The following EBI3 variants were observed in gnomAD, a reference collection of about 807,000 sequenced individuals.
EBI3 encodes the protein interleukin-27 subunit beta.
A neutral mutation model predicts 21.3 loss-of-function variants in EBI3; 19 were observed. The ratio of observed to expected loss-of-function variants is 0.89; its 90% CI spans 0.62 to 1.31. The LOEUF (loss-of-function observed/expected upper bound fraction) is 1.31. EBI3 is among the 50% of genes most tolerant of loss of function. The probability of loss-of-function intolerance (pLI) is 0.00; values close to 1 mark genes in which losing one functional copy is unlikely to be tolerated. For synonymous variants in EBI3, 154 were observed against 131.2 expected, an observed-to-expected ratio of 1.17 and a Z score of -1.19; for missense variants, 331 against 314.0, an observed-to-expected ratio of 1.05 and a Z score of -0.41.
intron 1 of EBI3, among the ~76,000 whole-genome samples, 193 bp downstream of exon 1, chr19:4,229,810 T>C (rs2144673445): frequency 6.6e-6 from 1 of 152,300 alleles, no homozygotes; most frequent in South Asian, 2.1e-4. Context: ...TGGAAGGATG[T>C]CACCTTGTGG....
rs1374907589 is a variant in EBI3, at chr19:4,234,772, C to T, written c.485C>T (p.Ser162Leu). ...PGSWPFPEIF[S>L]LKYWIRYKRQ... The stretch of plus-strand genomic sequence containing the variant: ...TCCTGGCCCTTCCCAGAGATCTTCT[C>T]ACTGAAGTACTGGATCCGTTACAAG... Residue 162 changes from serine (S) to leucine (L), a missense_variant, in exon 4 of 5, where the codon TCA (serine) becomes TTA (leucine). Coordinates refer to ENST00000221847, the MANE Select transcript of EBI3 (RefSeq NM_005755.3). The T allele has an allele frequency of 2.5e-6, 4 of 1,614,146 alleles. No homozygotes were observed. The highest frequency in any genetic ancestry group is 3.4e-6 in the Non-Finnish European group (4 of 1,180,030).
At chr19:4,234,147 C>T (rs145458729) in intron 3 of EBI3, among the ~76,000 whole-genome samples, 5 of 151,994 alleles carry the variant, frequency 3.3e-5, no homozygotes, top group African/African-American at 7.3e-5. Flanking sequence ...TGGAGGTTGC[C>T]GTGAGCTGAG....
intron 1 of EBI3, among the ~76,000 whole-genome samples, chr19:4,230,331 A>G (rs546347885): frequency 2.6e-5 from 4 of 152,234 alleles, no homozygotes; most frequent in Admixed American, 1.3e-4. Flanking sequence ...TTGGGAGGCC[A>G]GGGCGTGAGG....
At chr19:4,236,518 C>CAAAAAAAA (rs4009634) in intron 4 of EBI3, among the ~76,000 whole-genome samples, 1,256 of 30,492 alleles carry the variant, frequency 0.041, 390 homozygotes, top group South Asian at 0.21. Flanking sequence ...AAGACTGTCT[C>CAAAAAAAA]AAAAAAAAAA....
chr19:4,234,207 A>AAAAAC (rs1172943826), intron 3 of EBI3, among the ~76,000 whole-genome samples: 11 of 152,268 alleles, frequency 7.2e-5, no homozygotes, highest in South Asian at 4.1e-4. Context: ...CTCTATCTCA[A>AAAAAC]AAAACAAAAC....
chr19:4,233,325 TGGGGGC>T lies in EBI3; in HGVS notation c.379+29_379+34del. On this transcript the variant is annotated intron_variant, in intron 3 of 4. Transcript: ENST00000221847. Reference sequence around the variant, plus strand: ...GCACATCAGTGAGTGGGGGCGGCAGTGGGGGCGGGGGCGGGGCTGCCGTCTCCTTCC... The same window carrying T: ...GCACATCAGTGAGTGGGGGCGGCAGTGGGGGCGGGGCTGCCGTCTCCTTCC... 20 of 466,782 alleles carry T rather than the reference TGGGGGC, an allele frequency of 4.3e-5. No homozygotes were observed. Among genetic ancestry groups the T allele is most frequent in the Non-Finnish European group, 7.9e-5 (19 of 240,016 alleles). 28.9% of individuals were successfully genotyped at this position (466,782 alleles called of 1,614,324 possible). A position where few individuals can be genotyped will look rare whatever the true frequency, so the allele number is the denominator to read the frequency against.
chr19:4,232,241 AAAAAGAAAAGAAAAG>A (rs1290574653), intron 2 of EBI3, among the ~76,000 whole-genome samples: 43 of 93,504 alleles, frequency 4.6e-4, no homozygotes, highest in African/African-American at 8.3e-4. Context: ...AAAAAAAAAA[AAAAAGAAAAGAAAAG>A]AAAAGAAAAG....
chr19:4,234,944 A>T lies in EBI3; in HGVS notation c.537+120A>T, dbSNP rs1015194906. On this transcript the variant is annotated intron_variant, in intron 4 of 4. Transcript: ENST00000221847. ...GCTTGCGATTCCGGGTGCATTGAAT[A>T]AGAGCAGTCCAGCAATCTGATTCCT... The T allele has an allele frequency of 2.1e-6, 3 of 1,425,330 alleles. No individual in the cohort carries two copies. The African/African-American group carries it at 4.3e-5, about 20-fold the overall frequency. 88.3% of individuals were successfully genotyped at this position (1,425,330 alleles called of 1,614,324 possible). A position where few individuals can be genotyped will look rare whatever the true frequency, so the allele number is the denominator to read the frequency against.
At chr19:4,235,025 G>A (rs1304396225) in intron 4 of EBI3, among the ~76,000 whole-genome samples, 1 of 151,984 alleles carries the variant, frequency 6.6e-6, no homozygotes, top group African/African-American at 2.4e-5. Context: ...TCGCACACCC[G>A]TTTTTGTTGT....
In EBI3 at chr19:4,231,275, C is replaced by T. The variant is rs147307865; in HGVS notation, c.152C>T (p.Pro51Leu). 2.5e-5 allele frequency: 40 copies of T among 1,613,160 alleles called. No homozygotes were observed. The highest frequency in any genetic ancestry group is 4.0e-5 in the African/African-American group (3 of 74,838). ...GCCGTGGATTGCTCCTGGACCCTGCCGCCTGCTCCAAACTCCACCAGCCCC... is the reference window on the plus strand; with the variant it reads ...GCCGTGGATTGCTCCTGGACCCTGCTGCCTGCTCCAAACTCCACCAGCCCC... ...PIAVDCSWTL[P>L]PAPNSTSPVS... Residue 51 changes from proline (P) to leucine (L), a missense_variant, in exon 2 of 5, where the codon CCG becomes CTG. Pro to Leu is a moderately conservative substitution (Grantham distance 98). Coordinates refer to ENST00000221847, the MANE Select transcript of EBI3 (RefSeq NM_005755.3).
rs781145853 is a variant in EBI3, at chr19:4,231,298, C to T, written c.175C>T (p.Pro59Ser). 2.5e-6 allele frequency: 4 copies of T among 1,612,530 alleles called. No individual in the cohort carries two copies. The highest frequency in any genetic ancestry group is 3.4e-6 in the Non-Finnish European group (4 of 1,179,596). The change falls in exon 2 of 5, where the codon CCC (proline) becomes TCC (serine). Residue 59 changes from proline to serine, a missense_variant. Physicochemically the swap from Pro to Ser is moderately conservative, Grantham distance 74. Transcript: ENST00000221847. ...TLPPAPNSTSPVSFIATYRLG... is the reference protein window; with the variant it reads ...TLPPAPNSTSSVSFIATYRLG... ...GCCGCCTGCTCCAAACTCCACCAGC[C>T]CCGTGTCCTTCATTGCCACGTACAG... is the stretch of plus-strand genomic sequence containing the variant.
At chr19:4,236,617 A>C (rs1433733101) in intron 4 of EBI3, among the ~76,000 whole-genome samples, 3 of 149,018 alleles carry the variant, frequency 2.0e-5, no homozygotes, top group Non-Finnish European at 4.4e-5. Flanking sequence ...GTTTAGTCCC[A>C]GGGAGGAGAA....
chr19:4,230,085 G>A lies in EBI3; in HGVS notation c.67+468G>A, dbSNP rs559059028. Among the ~76,000 whole-genome samples, 8 of 152,102 alleles carry A rather than the reference G, an allele frequency of 5.3e-5. No homozygotes were observed. In the East Asian group the frequency reaches 5.8e-4, roughly 11 times the overall value. On this transcript the variant is annotated intron_variant, in intron 1 of 4. Transcript: ENST00000221847. ...ATTACAGGTGCCCGCCACCATGCCC[G>A]GCTACTTTTTATATTTTTAGTAGAG...
chr19:4,236,990 A>T lies in EBI3; in HGVS notation c.592A>T (p.Arg198Trp), dbSNP rs369072353. 4 of 1,580,084 alleles carry T rather than the reference A, an allele frequency of 2.5e-6. No individual in the cohort carries two copies. Among genetic ancestry groups the T allele is most frequent in the Non-Finnish European group, 3.5e-6 (4 of 1,159,362 alleles). ...CCTCAGGGCTGTGCGGCCCCGAGCC[A>T]GGTACTACGTCCAAGTGGCGGCTCA... ...FILRAVRPRA[R>W]YYVQVAAQDL... Residue 198 changes from arginine to tryptophan, a missense_variant, in exon 5 of 5, where the codon AGG (arginine) becomes TGG (tryptophan). Transcript: ENST00000221847.
intron 1 of EBI3, 77 bp downstream of exon 1, chr19:4,229,694 G>A (rs1970765494): frequency 2.1e-6 from 3 of 1,441,366 alleles, no homozygotes; most frequent in Non-Finnish European, 2.8e-6. Context: ...ATCATGTCTG[G>A]GGTGGGAAAT....
intron 2 of EBI3, 85 bp from the exon 3 acceptor site, chr19:4,233,044 T>C: frequency 7.2e-7 from 1 of 1,385,986 alleles, no homozygotes; most frequent in Non-Finnish European, 9.4e-7. Context: ...TGCCTCTCCT[T>C]GGGGTCCCGG....
At chr19:4,236,658 T>G (rs937077044) in intron 4 of EBI3, among the ~76,000 whole-genome samples, 6 of 151,780 alleles carry the variant, frequency 4.0e-5, no homozygotes, top group Non-Finnish European at 8.8e-5. Context: ...AGGGATGTCC[T>G]GATGAACAAA....
chr19:4,233,991 G>A (rs1004445966), intron 3 of EBI3, among the ~76,000 whole-genome samples: 1 of 151,932 alleles, frequency 6.6e-6, no homozygotes, highest in African/African-American at 2.4e-5. Flanking sequence ...GATCACCTGA[G>A]GTCAGGAGTT....
intron 4 of EBI3, 130 bp downstream of exon 4, chr19:4,234,954 C>A: frequency 7.5e-7 from 1 of 1,337,654 alleles, no homozygotes; most frequent in Non-Finnish European, 1.0e-6. Flanking sequence ...AAGAGCAGTC[C>A]AGCAATCTGA....
Sources: allele counts gnomAD v4.1 joint callset (sites outside exome capture counted in the v4.1 genomes callset), GRCh38; gene constraint gnomAD v4.1.1; transcripts MANE v1.5; gene names NCBI Gene and HGNC (gene_info 2026-07-23, HGNC 2026-07-21).